GRID2: variants seen among roughly 807,000 people sequenced by gnomAD.
The protein encoded by GRID2 is glutamate receptor ionotropic, delta-2.
GRID2 carries 33 observed loss-of-function variants against 114.8 expected under a neutral mutation model. The observed-to-expected ratio is 0.29, with a 90% CI of 0.22 to 0.38. The LOEUF (loss-of-function observed/expected upper bound fraction) is 0.38, where lower values mean the gene tolerates loss of function less well. Ranked by LOEUF, GRID2 falls within the 10% of genes least tolerant of loss-of-function variation. The pLI is 1.00. For synonymous variants in GRID2, 505 were observed against 449.9 expected (o/e 1.12, Z -1.55); for missense variants, 1,184 against 1,257.7 (o/e 0.94, Z 0.89).
chr4:93,287,435 T>C (rs1426998151), intron 8 of GRID2, among the ~76,000 whole-genome samples: 2 of 152,130 alleles, frequency 1.3e-5, no homozygotes, highest in East Asian at 3.9e-4. Flanking sequence ...TGAGGCACAG[T>C]CAGACAAACC....
chr4:93,164,720 CT>C (rs1738080825), intron 4 of GRID2: 1 of 435,926 alleles, frequency 2.3e-6, no homozygotes, highest in East Asian at 7.0e-5. Flanking sequence ...AATTTTTTTC[CT>C]TTCATTTTTC....
At chr4:92,755,545 C>T (rs1219100861) in intron 2 of GRID2, among the ~76,000 whole-genome samples, 3 of 151,914 alleles carry the variant, frequency 2.0e-5, no homozygotes, top group Non-Finnish European at 4.4e-5. Flanking sequence ...GTGAGTTAAG[C>T]GAGGGAGCCC....
intron 2 of GRID2, among the ~76,000 whole-genome samples, chr4:92,907,630 G>T (rs923191599): frequency 6.6e-6 from 1 of 151,870 alleles, no homozygotes; most frequent in Non-Finnish European, 1.5e-5. Flanking sequence ...GGCTGGTCTT[G>T]AACTCCTGAC....
intron 8 of GRID2, among the ~76,000 whole-genome samples, chr4:93,388,049 TA>T (rs1210838526): frequency 3.3e-5 from 5 of 152,072 alleles, no homozygotes; most frequent in Non-Finnish European, 7.4e-5. Flanking sequence ...AATATTATCA[TA>T]CAAAATATAT....
chr4:92,921,156 G>T (rs1749292727), intron 2 of GRID2, among the ~76,000 whole-genome samples: 1 of 152,036 alleles, frequency 6.6e-6, no homozygotes, highest in Non-Finnish European at 1.5e-5. Context: ...ACTGAGGCTT[G>T]TACATTCATC....
At chr4:92,985,259 T>G (rs925250400) in intron 2 of GRID2, among the ~76,000 whole-genome samples, 2 of 151,296 alleles carry the variant, frequency 1.3e-5, no homozygotes, top group African/African-American at 4.9e-5. Context: ...AGTCTCGCTC[T>G]GTCTCCCAGG....
intron 9 of GRID2, among the ~76,000 whole-genome samples, chr4:93,399,430 TG>T (rs1332692814): frequency 6.6e-6 from 1 of 152,146 alleles, no homozygotes; most frequent in African/African-American, 2.4e-5. Context: ...CTCTACTGTT[TG>T]TGATCCCATG....
chr4:93,130,143 A>G (rs1734665563), intron 4 of GRID2, among the ~76,000 whole-genome samples: 2 of 152,316 alleles, frequency 1.3e-5, no homozygotes, highest in South Asian at 4.1e-4. Context: ...ATGCAAAATG[A>G]AATTTTACCT....
chr4:93,402,857 G>A (rs1433916176), intron 9 of GRID2, among the ~76,000 whole-genome samples: 1 of 152,108 alleles, frequency 6.6e-6, no homozygotes, highest in East Asian at 1.9e-4. Flanking sequence ...AATGCCTCCA[G>A]TGATAGTTCT....
At chr4:93,245,935 AT>A (rs1748156253) in intron 8 of GRID2, among the ~76,000 whole-genome samples, 2 of 152,360 alleles carry the variant, frequency 1.3e-5, no homozygotes, top group Non-Finnish European at 2.9e-5. Flanking sequence ...TCTAGTTGCT[AT>A]TCTGACAAGA....
chr4:93,247,600 C>T (rs1278358814), intron 8 of GRID2, among the ~76,000 whole-genome samples: 5 of 152,020 alleles, frequency 3.3e-5, no homozygotes, highest in African/African-American at 9.7e-5. Context: ...TCTCTTGTTT[C>T]TTAGGCCCTT....
At chr4:93,358,608 A>T (rs182199473) in intron 8 of GRID2, among the ~76,000 whole-genome samples, 66 of 152,124 alleles carry the variant, frequency 4.3e-4, no homozygotes, top group Non-Finnish European at 8.2e-4. Flanking sequence ...AAGAGATTTT[A>T]AAAAAGAAAC....
At chr4:93,425,813 T>C (rs1182912488) in intron 10 of GRID2, among the ~76,000 whole-genome samples, 8 of 152,130 alleles carry the variant, frequency 5.3e-5, no homozygotes, top group Non-Finnish European at 1.2e-4. Context: ...TGAACTGAAG[T>C]GGGTCCTCAA....
chr4:93,148,290 C>G (rs1182936890), intron 4 of GRID2, among the ~76,000 whole-genome samples: 1 of 152,114 alleles, frequency 6.6e-6, no homozygotes, highest in African/African-American at 2.4e-5. Flanking sequence ...CTACTGCCAA[C>G]TTCATAAATG....
intron 8 of GRID2, among the ~76,000 whole-genome samples, chr4:93,362,313 G>A (rs1761953211): frequency 6.6e-6 from 1 of 152,002 alleles, no homozygotes; most frequent in Non-Finnish European, 1.5e-5. Context: ...GGTGTGTGGG[G>A]AGTTGTTGCC....
chr4:93,180,728 A>C (rs1739813955), intron 4 of GRID2, among the ~76,000 whole-genome samples: 1 of 152,160 alleles, frequency 6.6e-6, no homozygotes, highest in Non-Finnish European at 1.5e-5. Flanking sequence ...CTCCACTTCA[A>C]GAAACCACTT....
chr4:93,562,737 C>CT (rs1423788843), intron 13 of GRID2, among the ~76,000 whole-genome samples: 1 of 151,928 alleles, frequency 6.6e-6, no homozygotes, highest in Non-Finnish European at 1.5e-5. Context: ...ACCTAGATTT[C>CT]TTTTTTTCTC....
At chr4:92,427,748 T>A (rs1732230238) in intron 1 of GRID2, among the ~76,000 whole-genome samples, 1 of 151,528 alleles carries the variant, frequency 6.6e-6, no homozygotes, top group Non-Finnish European at 1.5e-5. Context: ...ATGAATATAA[T>A]AAGCCCAACA....
chr4:93,564,946 C>G (rs1735265498), intron 13 of GRID2, among the ~76,000 whole-genome samples: 1 of 151,918 alleles, frequency 6.6e-6, no homozygotes, highest in East Asian at 1.9e-4. Context: ...AATAAATATT[C>G]TACATTTTCA....
Sources: gnomAD v4.1 joint callset for allele counts (sites outside exome capture counted in the v4.1 genomes callset) on GRCh38, gnomAD v4.1.1 for gene constraint, MANE v1.5 for transcripts, NCBI Gene and HGNC (gene_info 2026-07-23, HGNC 2026-07-21) for gene names.